Variants in COMMD4 observed in about 807,000 individuals in gnomAD.
COMMD4 encodes the protein COMM domain containing 4, also known as COMM domain-containing protein 4.
A neutral mutation model predicts 27.5 loss-of-function variants in COMMD4; 18 were observed. The ratio of observed to expected loss-of-function variants is 0.65; its 90% CI spans 0.45 to 0.97. The LOEUF is 0.97. Among genes scored for constraint, COMMD4 ranks in the 50% least tolerant of loss-of-function variants. The probability of loss-of-function intolerance (pLI) is 0.00; values close to 1 mark genes in which losing one functional copy is unlikely to be tolerated. For missense variants in COMMD4, 243 were observed against 250.0 expected (o/e 0.97, Z 0.19); for synonymous variants, 108 against 108.4 (o/e 1.00, Z 0.02).
intron 1 of COMMD4, 107 bp downstream of exon 1, chr15:75,336,199 C>T: frequency 6.5e-7 from 1 of 1,548,990 alleles, no homozygotes. Flanking sequence ...TCCGCAAACA[C>T]AGTGTGTGCG....
chr15:75,342,653 TCC>T (rs2071437177), downstream of COMMD4: 1 of 152,090 alleles, frequency 6.6e-6, no homozygotes, highest in Non-Finnish European at 1.5e-5. Flanking sequence ...GGTACAAAGT[TCC>T]AGTTAGGAGG....
chr15:75,336,409 C>A, intron 1 of COMMD4: 1 of 770,192 alleles, frequency 1.3e-6, no homozygotes, highest in Non-Finnish European at 2.0e-6. Flanking sequence ...CAGGTCTTCC[C>A]CATCCCCAAG....
At chr15:75,341,405 C>T (rs1242714329), downstream of COMMD4, 1 of 152,176 alleles carries the variant, frequency 6.6e-6, no homozygotes, top group Admixed American at 6.5e-5. Flanking sequence ...TGGCTTGTTC[C>T]ACTGGCCAAA....
At chr15:75,336,348 C>A (rs2071186262) in intron 1 of COMMD4, 20 of 1,284,410 alleles carry the variant, frequency 1.6e-5, no homozygotes, top group Non-Finnish European at 2.0e-5. Context: ...AAGGAAGGGC[C>A]CCTGCCTCCC....
At chr15:75,340,596 CTTCTA>C (rs1376298739), downstream of COMMD4, among the ~76,000 whole-genome samples, 1 of 152,120 alleles carries the variant, frequency 6.6e-6, no homozygotes, top group Non-Finnish European at 1.5e-5. Flanking sequence ...TCACTGCCAT[CTTCTA>C]TTTATTTATT....
In COMMD4 at chr15:75,339,148, G is replaced by T. The variant is rs543707483; in HGVS notation, c.301+44G>T. On this transcript the variant is annotated intron_variant, in intron 5 of 7. Transcript: ENST00000267935. ...CAGCTGGGCAGCCTGTGGGCCAAGG[G>T]CTGCTAGAGAAGGGGACAGGCCCTG... 10 of 1,612,412 alleles carry T rather than the reference G, an allele frequency of 6.2e-6. No individual in the cohort carries two copies. The African/African-American group carries it at 1.3e-4, about 21-fold the overall frequency.
At chr15:75,336,908 A>G (rs1050337902) in intron 1 of COMMD4, 5 of 152,248 alleles carry the variant, frequency 3.3e-5, no homozygotes, top group Non-Finnish European at 7.3e-5. Flanking sequence ...TAGAGAGAGT[A>G]TGGCTCCCCA....
rs143934574 is a variant in COMMD4 at position 75,339,322 on chromosome 15, C to T, written c.360C>T (p.His120=). Residue 120 remains histidine, a synonymous_variant, in exon 6 of 8, where the codon CAC becomes CAT. Transcript: ENST00000267935. ...AGAAGCAAAGCCCCTTGCAGAAGCA[C>T]TTGCGGGTCTGCAGCCTACGCAGTA... is the stretch of plus-strand genomic sequence containing the variant. ...YEEKQSPLQK[H]LRVCSLRMNR... The T allele has an allele frequency of 4.3e-6, 7 of 1,611,810 alleles. No homozygotes were observed. The highest frequency in any genetic ancestry group is 3.4e-6 in the Non-Finnish European group (4 of 1,179,868).
In COMMD4 at chr15:75,338,968, A is replaced by T. The variant is rs774862821; in HGVS notation, c.182-17A>T. On this transcript the variant is annotated splice_polypyrimidine_tract_variant and intron_variant, in intron 4 of 7. Coordinates refer to ENST00000267935, the MANE Select transcript of COMMD4 (RefSeq NM_017828.5). ...GACCCACAGTGACACCCCCTGCCCC[A>T]CCCACGGGTCCCTCAGAGTCAGGCG... 2 of 1,613,862 alleles carry T rather than the reference A, an allele frequency of 1.2e-6. No homozygotes were observed. The highest frequency in any genetic ancestry group is 2.2e-5 in the South Asian group (2 of 91,076).
rs761562912 is a variant in COMMD4, at chr15:75,339,873, T to C, written c.554T>C (p.Leu185Pro). The C allele has an allele frequency of 9.9e-6, 16 of 1,612,898 alleles. No individual in the cohort carries two copies. Among genetic ancestry groups the C allele is most frequent in the Admixed American group, 1.7e-5 (1 of 59,970 alleles). Reference sequence around the variant, plus strand: ...TCAGCAGACAAGTTCCAGGTCCTCCTGGCAGGTGAGGCTCAGCTATTCCTC... The same window carrying C: ...TCAGCAGACAAGTTCCAGGTCCTCCCGGCAGGTGAGGCTCAGCTATTCCTC... ...SLSADKFQVL[L>P]AELKQAQTLM... Residue 185 changes from leucine to proline, a missense_variant, in exon 7 of 8, where the codon CTG becomes CCG. By Grantham distance (98) the Leu-to-Pro change is moderately conservative. Coordinates refer to ENST00000267935, the MANE Select transcript of COMMD4 (RefSeq NM_017828.5).
rs973595738 is a variant in COMMD4 at position 75,339,721 on chromosome 15, G to A, written c.402G>A (p.Val134=). The A allele has an allele frequency of 2.5e-6, 4 of 1,602,588 alleles. No individual in the cohort carries two copies. The South Asian group carries it at 4.5e-5, about 18-fold the overall frequency. ...TCACAGTGAATAGGTTGGCAGGTGT[G>A]GGCTGGCGGGTGGACTACACCCTGA... ...CSLRMNRLAG[V]GWRVDYTLSS... is the part of the protein sequence containing the mutation. The change falls in exon 7 of 8, where the codon GTG becomes GTA. Residue 134 remains valine (V), a synonymous_variant. Coordinates refer to ENST00000267935, the MANE Select transcript of COMMD4 (RefSeq NM_017828.5).
At chr15:75,340,393 G>C (rs80282450), downstream of COMMD4, 3,606 of 200,588 alleles carry the variant, frequency 0.018, 130 homozygotes, top group African/African-American at 0.077. Flanking sequence ...ATTGAGGGAG[G>C]TCATAGGTAA....
At chr15:75,337,983 A>G in intron 1 of COMMD4, 79 bp from the exon 2 acceptor site, 1 of 1,416,614 alleles carries the variant, frequency 7.1e-7, no homozygotes, top group South Asian at 1.3e-5. Flanking sequence ...CCTGGTGGGC[A>G]GCAGTGTGGG....
chr15:75,338,668 C>G lies in COMMD4; in HGVS notation c.164C>G (p.Thr55Arg). Residue 55 changes from threonine (T) to arginine (R), a missense_variant, in exon 4 of 8, where the codon ACG becomes AGG. Transcript: ENST00000267935. Reference protein sequence around the residue: ...GIDYEKILKLTADAKFESGDV... With the variant: ...GIDYEKILKLRADAKFESGDV... The stretch of plus-strand genomic sequence containing the variant: ...TAGTATGAGAAGATCCTGAAGCTCA[C>G]GGCTGACGCCAAGTTTGGTGAGTAT... 1 of 1,613,924 alleles carries G rather than the reference C, an allele frequency of 6.2e-7. No individual in the cohort carries two copies. The highest frequency in any genetic ancestry group is 8.5e-7 in the Non-Finnish European group (1 of 1,179,910).
At position 75,338,370 on chromosome 15, in the gene COMMD4, C is replaced by T. The variant is rs756654687; in HGVS notation, c.91C>T (p.Arg31Trp). 37 of 1,595,584 alleles carry T rather than the reference C, an allele frequency of 2.3e-5. No homozygotes were observed. Among genetic ancestry groups the T allele is most frequent in the Non-Finnish European group, 3.1e-5 (36 of 1,171,020 alleles). Residue 31 changes from arginine to tryptophan, a missense_variant, in exon 3 of 8, where the codon CGG (arginine) becomes TGG (tryptophan). Physicochemically the swap from Arg to Trp is moderately radical, Grantham distance 101. Coordinates refer to ENST00000267935, the MANE Select transcript of COMMD4 (RefSeq NM_017828.5). ...TLAKMSSVKLRLLCSQVLKEL... is the reference protein window; with the variant it reads ...TLAKMSSVKLWLLCSQVLKEL... ...TCCCTTCCAGTCCTCTGTGAAGTTG[C>T]GGCTGCTCTGCAGCCAGGTACTAAA...
intron 2 of COMMD4, 90 bp from the exon 3 acceptor site, chr15:75,338,265 C>A (rs548629721): frequency 2.0e-6 from 3 of 1,469,266 alleles, no homozygotes; most frequent in Non-Finnish European, 2.8e-6. Context: ...GCTTTGTGAC[C>A]TTGATCAGTG....
In COMMD4 at chr15:75,339,793, G is replaced by A; in HGVS notation, c.474G>A (p.Arg158=). The A allele has an allele frequency of 6.2e-7, 1 of 1,614,104 alleles. No individual in the cohort carries two copies. Among genetic ancestry groups the A allele is most frequent in the Non-Finnish European group, 8.5e-7 (1 of 1,179,986 alleles). ...TGGAAGAGCCCATGGTGCACCTGCG[G>A]CTGGAGGTGGCAGCTGCCCCAGGGA... The part of the protein sequence containing the change: ...QSVEEPMVHL[R]LEVAAAPGTP... The change falls in exon 7 of 8, where the codon CGG becomes CGA. Residue 158 remains arginine, a synonymous_variant. Transcript: ENST00000267935.
intron 7 of COMMD4, 33 bp downstream of exon 7, chr15:75,339,911 G>C: frequency 6.2e-7 from 1 of 1,613,960 alleles, no homozygotes; most frequent in Non-Finnish European, 8.5e-7. Context: ...CGGGTGAGAG[G>C]CTCTCCCAGA....
intron 1 of COMMD4, chr15:75,337,635 A>G (rs988030099): frequency 6.1e-5 from 12 of 196,324 alleles, no homozygotes; most frequent in African/African-American, 2.8e-4. Context: ...AGAGTGCAGC[A>G]GGCATGGAGG....
Sources: gnomAD v4.1 joint callset for allele counts (sites outside exome capture counted in the v4.1 genomes callset) on GRCh38, gnomAD v4.1.1 for gene constraint, MANE v1.5 for transcripts, NCBI Gene and HGNC (gene_info 2026-07-23, HGNC 2026-07-21) for gene names.